TMEM131: variants seen among roughly 807,000 people sequenced by gnomAD.
TMEM131 encodes transmembrane protein 131.
Under a neutral mutation model 211.6 loss-of-function variants are expected in TMEM131, and 66 were observed. The observed-to-expected ratio is 0.31, with a 90% CI of 0.26 to 0.38. The LOEUF is 0.38. Ranked by LOEUF, TMEM131 falls within the 10% of genes least tolerant of loss-of-function variation. The pLI is 1.00. For synonymous variants in TMEM131, 844 were observed against 841.3 expected (o/e 1.00, Z -0.06); for missense variants, 2,036 against 2,299.3 (o/e 0.89, Z 2.34).
At chr2:97,805,517 C>G (rs1216734193) in intron 20 of TMEM131, 34 bp downstream of exon 20, 2 of 1,610,720 alleles carry the variant, frequency 1.2e-6, no homozygotes, top group Non-Finnish European at 1.7e-6. Flanking sequence ...AAAATGTTAA[C>G]CAATGGGAAT....
At chr2:97,869,223 A>G (rs1327482865) in intron 4 of TMEM131, among the ~76,000 whole-genome samples, 2 of 152,210 alleles carry the variant, frequency 1.3e-5, no homozygotes, top group East Asian at 1.9e-4. Context: ...AATCAATCTC[A>G]GCTAAGATAA....
intron 4 of TMEM131, among the ~76,000 whole-genome samples, chr2:97,880,124 A>T (rs1674863188): frequency 6.8e-6 from 1 of 146,434 alleles, no homozygotes; most frequent in African/African-American, 2.6e-5. Flanking sequence ...TCCTATATGT[A>T]TGAAAACTTC....
chr2:97,803,946 G>A (rs1284410189), intron 22 of TMEM131, among the ~76,000 whole-genome samples: 1 of 152,218 alleles, frequency 6.6e-6, no homozygotes, highest in African/African-American at 2.4e-5. Context: ...AAGTCCATTA[G>A]AGGAAGTCTC....
At chr2:97,867,496 T>C (rs1176741256) in intron 4 of TMEM131, among the ~76,000 whole-genome samples, 1 of 152,242 alleles carries the variant, frequency 6.6e-6, no homozygotes, top group Non-Finnish European at 1.5e-5. Flanking sequence ...GATATGCTTT[T>C]CCCCTAGTGA....
chr2:97,983,805 C>G (rs964126480), intron 1 of TMEM131, among the ~76,000 whole-genome samples: 3 of 152,132 alleles, frequency 2.0e-5, no homozygotes, highest in African/African-American at 7.2e-5. Context: ...TGATGGTCTC[C>G]AGTAGTAACT....
intron 25 of TMEM131, among the ~76,000 whole-genome samples, chr2:97,798,233 T>G (rs766009714): frequency 6.6e-6 from 1 of 152,248 alleles, no homozygotes; most frequent in Non-Finnish European, 1.5e-5. Context: ...AAACATTTGC[T>G]TTTTTATTAC....
At chr2:97,763,144 GTCCCCTCA>G (rs1559342988) in intron 35 of TMEM131, 5 of 152,248 alleles carry the variant, frequency 3.3e-5, no homozygotes, top group African/African-American at 1.2e-4. Context: ...CACTTCTCCC[GTCCCCTCA>G]CTGCCACATT....
In TMEM131 at chr2:97,925,562, C is replaced by T. The variant is rs573893418; in HGVS notation, c.249+1864G>A. Among the ~76,000 whole-genome samples the T allele has an allele frequency of 4.6e-5, 7 of 152,202 alleles. No individual in the cohort carries two copies. The South Asian group carries it at 1.5e-3, about 32-fold the overall frequency. ...AATTTATATTCATAACAAGTGCAAA[C>T]CCATGGAATATCTGAGAGCACTGCA... On this transcript the variant is annotated intron_variant, in intron 2 of 40. Transcript: ENST00000186436.
intron 1 of TMEM131, among the ~76,000 whole-genome samples, chr2:97,983,352 C>T (rs756043009): frequency 3.3e-5 from 5 of 152,074 alleles, no homozygotes; most frequent in Non-Finnish European, 7.4e-5. Context: ...ATGTCCGACC[C>T]CCTCTTCCCA....
intron 4 of TMEM131, among the ~76,000 whole-genome samples, chr2:97,861,233 G>C (rs1674055332): frequency 6.6e-6 from 1 of 152,024 alleles, no homozygotes; most frequent in Non-Finnish European, 1.5e-5. Context: ...GAGTCCTAGT[G>C]CCGTGCTGGG....
rs375870044 is a variant in TMEM131, at chr2:97,900,612, C to G, written c.290+8046G>C. 3.3e-5 allele frequency among the ~76,000 whole-genome samples: 5 copies of G among 152,084 alleles called. No individual in the cohort carries two copies. The East Asian group carries it at 5.8e-4, about 18-fold the overall frequency. On this transcript the variant is annotated intron_variant, in intron 3 of 40. Coordinates refer to ENST00000186436, the MANE Select transcript of TMEM131 (RefSeq NM_015348.2). ...CACATTTTCATTATCCACGTGTCCA[C>G]TGATGAACACTTAGGTTGATTCCTC... is the stretch of plus-strand genomic sequence containing the variant.
At chr2:97,836,168 T>C (rs557167598) in intron 8 of TMEM131, among the ~76,000 whole-genome samples, 1 of 152,248 alleles carries the variant, frequency 6.6e-6, no homozygotes. Flanking sequence ...GCTGGTTGTG[T>C]TTCTATATTC....
At chr2:97,947,195 T>C (rs4851662) in intron 1 of TMEM131, among the ~76,000 whole-genome samples, 150,010 of 152,030 alleles carry the variant, frequency 0.99, 74,021 homozygotes, top group East Asian at 1. Flanking sequence ...AACATCATAG[T>C]GAAAGAATAA....
intron 11 of TMEM131, among the ~76,000 whole-genome samples, chr2:97,820,850 C>T (rs927255523): frequency 1.1e-4 from 16 of 150,524 alleles, no homozygotes; most frequent in Non-Finnish European, 7.4e-5. Flanking sequence ...AGTGAGACTC[C>T]TTCTAAAAAA....
intron 2 of TMEM131, 23 bp downstream of exon 2, chr2:97,927,403 T>C: frequency 1.3e-6 from 2 of 1,564,588 alleles, no homozygotes; most frequent in Non-Finnish European, 1.7e-6. Flanking sequence ...TAACAATAAC[T>C]TGTCTACTTA....
intron 4 of TMEM131, among the ~76,000 whole-genome samples, chr2:97,883,036 G>A (rs1675000712): frequency 6.6e-6 from 1 of 152,126 alleles, no homozygotes; most frequent in Non-Finnish European, 1.5e-5. Flanking sequence ...TTCTTTCTGG[G>A]TCACAGGTGA....
chr2:97,776,098 G>A (rs1380319135), intron 31 of TMEM131, 80 bp from the exon 32 acceptor site: 1 of 1,439,364 alleles, frequency 6.9e-7, no homozygotes, highest in Non-Finnish European at 9.4e-7. Context: ...CTGTCACCCA[G>A]GCTGGAGTGC....
At chr2:97,775,795 A>G (rs1281677546) in intron 32 of TMEM131, 48 bp downstream of exon 32, 1 of 1,571,962 alleles carries the variant, frequency 6.4e-7, no homozygotes, top group African/African-American at 1.4e-5. Flanking sequence ...GAGCTGCAGG[A>G]GACCTCTCTT....
At chr2:97,802,356 G>A (rs1315764958) in intron 24 of TMEM131, 72 bp downstream of exon 24, 1 of 1,149,208 alleles carries the variant, frequency 8.7e-7, no homozygotes, top group Non-Finnish European at 1.2e-6. Context: ...CTGCAAATAA[G>A]GCTTTTTAAG....
Sources: gnomAD v4.1 joint callset for allele counts (sites outside exome capture counted in the v4.1 genomes callset) on GRCh38, gnomAD v4.1.1 for gene constraint, MANE v1.5 for transcripts, NCBI Gene and HGNC (gene_info 2026-07-23, HGNC 2026-07-21) for gene names.